FRMPD3: variants seen among roughly 807,000 people sequenced by gnomAD.
FRMPD3 encodes FERM and PDZ domain-containing protein 3.
In FRMPD3, 42 loss-of-function variants were observed where a neutral mutation model predicts 97.9. That is an observed-to-expected ratio of 0.43 (90% CI 0.34 to 0.55). The LOEUF (loss-of-function observed/expected upper bound fraction) is 0.55. FRMPD3 is among the 20% of genes least tolerant of loss of function. The probability of loss-of-function intolerance (pLI) is 0.03; values close to 1 mark genes in which losing one functional copy is unlikely to be tolerated. For missense variants in FRMPD3, 1,303 were observed against 1,457.7 expected (o/e 0.89, Z 1.73); for synonymous variants, 577 against 581.1 (o/e 0.99, Z 0.10).
chrX:107,560,730 G>A lies in FRMPD3; in HGVS notation c.903G>A (p.Lys301=), dbSNP rs1320818420. ...CTTACTTTTCTTCTGCTTTTAGGAA[G>A]GAGTGGGGCCTGGAACCCTTTCTTC... The part of the protein sequence containing the change: ...SQKISLKNVE[K]EWGLEPFLPP... The change falls in exon 10 of 15, where the codon AAG becomes AAA. Residue 301 remains lysine, a synonymous_variant. Transcript: ENST00000683843. 1.7e-6 allele frequency: 2 copies of A among 1,163,448 alleles called. No individual in the cohort carries two copies. Among genetic ancestry groups the A allele is most frequent in the Non-Finnish European group, 2.3e-6 (2 of 871,701 alleles).
At chrX:107,567,806 T>G (rs772463279) in intron 12 of FRMPD3, among the ~76,000 whole-genome samples, 6 of 110,467 alleles carry the variant, frequency 5.4e-5, no homozygotes, top group Non-Finnish European at 7.6e-5. Flanking sequence ...TGGACCAGGG[T>G]GCAAGATGGG....
intron 13 of FRMPD3, among the ~76,000 whole-genome samples, chrX:107,577,564 G>T (rs1347195922): frequency 9.2e-6 from 1 of 108,421 alleles, no homozygotes; most frequent in Non-Finnish European, 1.9e-5. Flanking sequence ...CAGGAGAATC[G>T]CTTGAACCCT....
rs750014862 is a variant in FRMPD3 at position 107,602,001 on chromosome X, G to A, written c.3962G>A (p.Arg1321Gln). ...QATQTPVPSL[R>Q]GRERDRVLPS... ...ACCCAGACACCAGTGCCCAGCCTCC[G>A]GGGGAGGGAAAGGGACAGAGTCCTC... is the stretch of plus-strand genomic sequence containing the variant. Residue 1321 changes from arginine (R) to glutamine (Q), a missense_variant, in exon 15 of 15, where the codon CGG becomes CAG. Coordinates refer to ENST00000683843, the MANE Select transcript of FRMPD3 (RefSeq NM_001388459.1). 1.5e-5 allele frequency: 17 copies of A among 1,167,709 alleles called. No homozygotes were observed. The Admixed American group carries it at 2.5e-4, about 17-fold the overall frequency.
At chrX:107,484,575 T>A (rs951841839) in intron 1 of FRMPD3, among the ~76,000 whole-genome samples, 2 of 112,215 alleles carry the variant, frequency 1.8e-5, no homozygotes, top group African/African-American at 6.5e-5. Flanking sequence ...AGCTGCGTCA[T>A]CGCTGGCTCC....
Position 107,601,159 on chromosome X carries a change from C to A in FRMPD3, c.3120C>A (p.Ser1040Arg), listed in dbSNP as rs746730179. 1 of 1,210,481 alleles carries A rather than the reference C, an allele frequency of 8.3e-7. No homozygotes were observed. Among genetic ancestry groups the A allele is most frequent in the Admixed American group, 2.2e-5 (1 of 46,046 alleles). Residue 1040 changes from serine to arginine, a missense_variant, in exon 15 of 15, where the codon AGC becomes AGA. Transcript: ENST00000683843. The part of the protein sequence containing the change: ...VSSSPRAPTG[S>R]RADSLHLSQQ... ...CCAGCCCCAGAGCACCCACAGGCAG[C>A]CGGGCTGACAGCCTGCACCTCTCCC...
chrX:107,516,646 ATG>A lies in FRMPD3; in HGVS notation c.-7-9932_-7-9931del, dbSNP rs947172643. Among the ~76,000 whole-genome samples the A allele has an allele frequency of 8.1e-5, 9 of 110,502 alleles. No individual in the cohort carries two copies. In the Admixed American group the frequency reaches 8.5e-4, roughly 10 times the overall value. ...GGCCAGTGATGATGAGCATTTTTTC[ATG>A]TGTTTTTTGGCTGCATAAATGTCTT... On this transcript the variant is annotated intron_variant, in intron 1 of 14. Coordinates refer to ENST00000683843, the MANE Select transcript of FRMPD3 (RefSeq NM_001388459.1).
At chrX:107,575,336 CAT>C (rs1923059980) in intron 12 of FRMPD3, among the ~76,000 whole-genome samples, 3 of 112,303 alleles carry the variant, frequency 2.7e-5, no homozygotes. Flanking sequence ...AAACTATCTG[CAT>C]AGTGTTATTT....
At chrX:107,501,903 C>T (rs903160976) in intron 1 of FRMPD3, among the ~76,000 whole-genome samples, 2 of 109,979 alleles carry the variant, frequency 1.8e-5, no homozygotes, top group Non-Finnish European at 3.8e-5. Context: ...AGGAATCACT[C>T]CTGCCTCATA....
chrX:107,510,423 C>T (rs1280322730), intron 1 of FRMPD3, among the ~76,000 whole-genome samples: 4 of 111,260 alleles, frequency 3.6e-5, no homozygotes, highest in African/African-American at 9.8e-5. Context: ...CCCTGCCTGT[C>T]CCTGATGCAT....
At position 107,600,600 on chromosome X, in the gene FRMPD3, C is replaced by T. The variant is rs751767042; in HGVS notation, c.2561C>T (p.Pro854Leu). The change falls in exon 15 of 15, where the codon CCT (proline) becomes CTT (leucine). Residue 854 changes from proline to leucine, a missense_variant. By Grantham distance (98) the Pro-to-Leu change is moderately conservative. This residue lies in a region of FRMPD3 where 764 missense variants were observed against 820.2 expected (regional missense o/e 0.93). Transcript: ENST00000683843. ...GCCACAGGCCAGAGTCCTGGCCCCC[C>T]TGGCGCTCGGAGGAAGCTGCCCCAG... ...PIATGQSPGP[P>L]GARRKLPQSE... 5.0e-6 allele frequency: 6 copies of T among 1,208,509 alleles called. No homozygotes were observed. In the South Asian group the frequency reaches 8.8e-5, roughly 18 times the overall value.
At chrX:107,482,646 T>G (rs1434795839) in intron 1 of FRMPD3, among the ~76,000 whole-genome samples, 2 of 111,512 alleles carry the variant, frequency 1.8e-5, no homozygotes, top group East Asian at 5.6e-4. Context: ...CCATATCCAA[T>G]GTATATATAG....
chrX:107,557,145 C>A (rs953642603), intron 8 of FRMPD3, among the ~76,000 whole-genome samples: 1 of 111,842 alleles, frequency 8.9e-6, no homozygotes, highest in African/African-American at 3.2e-5. Flanking sequence ...TTTCAGTATT[C>A]TTTTTTTACT....
intron 1 of FRMPD3, among the ~76,000 whole-genome samples, chrX:107,515,406 A>G (rs984856953): frequency 2.7e-5 from 3 of 111,610 alleles, no homozygotes; most frequent in Middle Eastern, 4.2e-3. Flanking sequence ...GCTATTGAGA[A>G]GTTGAGTAGG....
At chrX:107,537,938 C>G (rs765033460) in intron 4 of FRMPD3, among the ~76,000 whole-genome samples, 2 of 111,438 alleles carry the variant, frequency 1.8e-5, no homozygotes, top group African/African-American at 3.3e-5. Context: ...CAGCCGAGGT[C>G]GGACAAGGTG....
intron 13 of FRMPD3, among the ~76,000 whole-genome samples, chrX:107,586,546 G>A (rs1049158217): frequency 9.0e-6 from 1 of 110,684 alleles, no homozygotes; most frequent in Admixed American, 9.8e-5. Context: ...TTAGGATGTC[G>A]ATTTTAGATC....
At chrX:107,545,927 G>A in intron 5 of FRMPD3, 86 bp downstream of exon 5, 1 of 739,801 alleles carries the variant, frequency 1.4e-6, no homozygotes, top group Non-Finnish European at 2.0e-6. Flanking sequence ...TTCTTATAGT[G>A]GACAGCTTTC....
At chrX:107,480,772 TGA>T (rs1291105104) in intron 1 of FRMPD3, among the ~76,000 whole-genome samples, 1 of 96,482 alleles carries the variant, frequency 1.0e-5, no homozygotes, top group African/African-American at 4.0e-5. Context: ...GAGGTTGCAG[TGA>T]GCCAAGATCA....
At chrX:107,552,530 TA>T (rs1311758723) in intron 6 of FRMPD3, among the ~76,000 whole-genome samples, 1 of 111,420 alleles carries the variant, frequency 9.0e-6, no homozygotes, top group Non-Finnish European at 1.9e-5. Flanking sequence ...TCTTTTGCCA[TA>T]AGCCTCGCCA....
intron 2 of FRMPD3, among the ~76,000 whole-genome samples, chrX:107,530,164 C>T (rs994100105): frequency 1.2e-4 from 13 of 112,231 alleles, no homozygotes; most frequent in African/African-American, 4.2e-4. Flanking sequence ...TGGCATGGAA[C>T]TAAAGGAGGT....
Sources: gnomAD v4.1 joint callset for allele counts (sites outside exome capture counted in the v4.1 genomes callset) on GRCh38, gnomAD v4.1.1 for gene constraint, gnomAD v4.1.1 regional missense constraint, MANE v1.5 for transcripts, NCBI Gene and HGNC (gene_info 2026-07-23, HGNC 2026-07-21) for gene names.